Variants in KCNH8 observed in about 807,000 individuals in gnomAD.
KCNH8 encodes the protein voltage-gated delayed rectifier potassium channel KCNH8.
Under a neutral mutation model 103.6 loss-of-function variants are expected in KCNH8, and 70 were observed. The observed-to-expected ratio is 0.68, with a 90% CI of 0.56 to 0.82. KCNH8 has a LOEUF of 0.82. KCNH8 is among the 40% of genes least tolerant of loss of function. KCNH8 has a pLI of 0.00. For synonymous variants in KCNH8, 498 were observed against 489.4 expected (o/e 1.02, Z -0.23); for missense variants, 1,217 against 1,329.9 (o/e 0.92, Z 1.32).
At chr3:19,170,773 T>TACAC (rs200575109) in intron 1 of KCNH8, among the ~76,000 whole-genome samples, 36 of 134,594 alleles carry the variant, frequency 2.7e-4, no homozygotes, top group Non-Finnish European at 4.9e-4. Flanking sequence ...CACATATATA[T>TACAC]ACACACACAC....
chr3:19,196,615 A>T (rs2063604869), intron 1 of KCNH8, among the ~76,000 whole-genome samples: 1 of 151,998 alleles, frequency 6.6e-6, no homozygotes, highest in African/African-American at 2.4e-5. Context: ...GCATGTGATT[A>T]TTGTCTGTGG....
At chr3:19,192,180 G>A (rs982804456) in intron 1 of KCNH8, among the ~76,000 whole-genome samples, 4 of 151,508 alleles carry the variant, frequency 2.6e-5, no homozygotes, top group Admixed American at 6.6e-5. Flanking sequence ...ACCTTCAACC[G>A]TTTATAGTTT....
chr3:19,271,788 C>A (rs757130822), intron 2 of KCNH8, among the ~76,000 whole-genome samples: 2 of 152,102 alleles, frequency 1.3e-5, no homozygotes, highest in Non-Finnish European at 2.9e-5. Flanking sequence ...TACTTCCAGT[C>A]TCAGAAGATG....
intron 3 of KCNH8, among the ~76,000 whole-genome samples, chr3:19,286,261 C>A (rs2064830895): frequency 6.6e-6 from 1 of 152,186 alleles, no homozygotes; most frequent in Non-Finnish European, 1.5e-5. Context: ...CCCCAGTTAT[C>A]TCAGAATGTA....
At chr3:19,290,914 T>A (rs1161860739) in intron 3 of KCNH8, among the ~76,000 whole-genome samples, 3 of 152,216 alleles carry the variant, frequency 2.0e-5, no homozygotes, top group Non-Finnish European at 2.9e-5. Flanking sequence ...ATTGCCTGAA[T>A]TTCAGCGCCT....
At chr3:19,253,088 A>G (rs1037086120) in intron 1 of KCNH8, among the ~76,000 whole-genome samples, 1 of 152,088 alleles carries the variant, frequency 6.6e-6, no homozygotes, top group Non-Finnish European at 1.5e-5. Context: ...CCTCACAATT[A>G]TTTCAGGACC....
chr3:19,277,137 G>GAGCTAAAA, intron 2 of KCNH8, among the ~76,000 whole-genome samples: 1 of 152,222 alleles, frequency 6.6e-6, no homozygotes, highest in East Asian at 1.9e-4. Flanking sequence ...TCATATTTGA[G>GAGCTAAAA]AGCTAAAAAA....
intron 1 of KCNH8, among the ~76,000 whole-genome samples, chr3:19,175,458 C>T (rs2063390054): frequency 1.3e-5 from 2 of 152,268 alleles, no homozygotes; most frequent in African/African-American, 4.8e-5. Flanking sequence ...ATCCGTCCGC[C>T]TCGGCCTCCC....
At chr3:19,419,194 G>GTTTTTTTTTTTTTTTTTT (rs1491504046) in intron 7 of KCNH8, among the ~76,000 whole-genome samples, 2 of 64,118 alleles carry the variant, frequency 3.1e-5, no homozygotes, top group African/African-American at 1.4e-4. Flanking sequence ...AAATGGTTTT[G>GTTTTTTTTTTTTTTTTTT]GTTTTTTTTT....
At chr3:19,396,030 ACTCT>A (rs915659742) in intron 7 of KCNH8, among the ~76,000 whole-genome samples, 1 of 151,564 alleles carries the variant, frequency 6.6e-6, no homozygotes, top group African/African-American at 2.4e-5. Context: ...CAAAACTATA[ACTCT>A]CTATCCCAAA....
chr3:19,526,156 A>C (rs909096035), intron 15 of KCNH8, among the ~76,000 whole-genome samples: 1 of 151,966 alleles, frequency 6.6e-6, no homozygotes, highest in East Asian at 1.9e-4. Flanking sequence ...TGGTATAATT[A>C]GTACCCCTTA....
chr3:19,342,496 C>T, intron 3 of KCNH8, 91 bp from the exon 4 acceptor site: 1 of 1,301,192 alleles, frequency 7.7e-7, no homozygotes, highest in Non-Finnish European at 1.0e-6. Context: ...AAAACATGTA[C>T]AATATGCTCT....
chr3:19,451,530 T>G (rs919281330), intron 10 of KCNH8, 126 bp downstream of exon 10: 3 of 818,466 alleles, frequency 3.7e-6, no homozygotes, highest in Non-Finnish European at 5.8e-6. Context: ...CTCAGGAGTA[T>G]TCCTCATATG....
At chr3:19,193,448 AT>A (rs1284072215) in intron 1 of KCNH8, among the ~76,000 whole-genome samples, 2 of 151,652 alleles carry the variant, frequency 1.3e-5, no homozygotes, top group African/African-American at 4.8e-5. Context: ...TTTATGCAGT[AT>A]TTTATATGTG....
At chr3:19,497,262 T>A (rs1001707298) in intron 11 of KCNH8, among the ~76,000 whole-genome samples, 2 of 152,184 alleles carry the variant, frequency 1.3e-5, no homozygotes, top group South Asian at 4.1e-4. Context: ...AGCTCTAATT[T>A]TGGTTATTTC....
chr3:19,497,286 T>C (rs2125229205), intron 11 of KCNH8, among the ~76,000 whole-genome samples: 1 of 152,236 alleles, frequency 6.6e-6, no homozygotes, highest in East Asian at 1.9e-4. Flanking sequence ...TCTCCTGCTA[T>C]CTTTGGGGTT....
chr3:19,357,465 T>A (rs1377669021), intron 5 of KCNH8, among the ~76,000 whole-genome samples: 3 of 148,768 alleles, frequency 2.0e-5, no homozygotes, highest in Non-Finnish European at 4.4e-5. Context: ...TTACTAATCA[T>A]CATATCATTC....
intron 5 of KCNH8, among the ~76,000 whole-genome samples, chr3:19,353,968 T>C (rs1575550161): frequency 6.6e-6 from 1 of 152,192 alleles, no homozygotes; most frequent in Admixed American, 6.5e-5. Context: ...GTGACATGAT[T>C]GTATACTTAG....
rs2068969370 is a variant in KCNH8, at chr3:19,521,465, C to CA, written c.2619+3393dup. The stretch of plus-strand genomic sequence containing the variant: ...ACAGTATCTTCCCTTAATAAGTGGT[C>CA]AATAAATGTTGATTCCATCCTCATA... On this transcript the variant is annotated intron_variant, in intron 15 of 15. Transcript: ENST00000328405. 2.6e-5 allele frequency among the ~76,000 whole-genome samples: 4 copies of CA among 151,974 alleles called. No homozygotes were observed. In the South Asian group the frequency reaches 8.3e-4, roughly 31 times the overall value.
Sources: gnomAD v4.1 joint callset for allele counts (sites outside exome capture counted in the v4.1 genomes callset) on GRCh38, gnomAD v4.1.1 for gene constraint, MANE v1.5 for transcripts, NCBI Gene and HGNC (gene_info 2026-07-23, HGNC 2026-07-21) for gene names.